Variants in ARG1 observed in about 807,000 individuals in gnomAD.
ARG1 encodes arginase 1.
A neutral mutation model predicts 33.0 loss-of-function variants in ARG1; 20 were observed. That is an observed-to-expected ratio of 0.61 (90% CI 0.43 to 0.88). The LOEUF (loss-of-function observed/expected upper bound fraction) is 0.88. Among genes scored for constraint, ARG1 ranks in the 40% least tolerant of loss-of-function variants. ARG1 has a pLI of 0.00. For missense variants in ARG1, 374 were observed against 384.7 expected, an observed-to-expected ratio of 0.97 and a Z score of 0.23; for synonymous variants, 146 against 140.6, an observed-to-expected ratio of 1.04 and a Z score of -0.27.
chr6:131,582,194 G>A (rs991926107), intron 4 of ARG1, among the ~76,000 whole-genome samples: 15 of 152,146 alleles, frequency 9.9e-5, no homozygotes, highest in African/African-American at 3.1e-4. Context: ...AAAACTAAAC[G>A]TCCTGGAGGA....
At chr6:131,577,094 TA>T (rs1418406528) in intron 2 of ARG1, among the ~76,000 whole-genome samples, 1 of 152,034 alleles carries the variant, frequency 6.6e-6, no homozygotes, top group Non-Finnish European at 1.5e-5. Flanking sequence ...ATTTGTGAAA[TA>T]AAATAAAATA....
In ARG1 at chr6:131,584,016, T is replaced by C; in HGVS notation, c.*108T>C. ...CTAAAGACTTGTTCTTTCAGAAAAA[T>C]GTTTTTCCAATTAGTATAAACTCTA... On this transcript the variant is annotated 3_prime_UTR_variant, in exon 8 of 8. Transcript: ENST00000368087. The C allele has an allele frequency of 7.6e-7, 1 of 1,317,808 alleles. No homozygotes were observed. The highest frequency in any genetic ancestry group is 2.5e-5 in the East Asian group (1 of 40,656). The allele number at this position is 1,317,808 out of a possible 1,614,324, so 81.6% of individuals were successfully genotyped here.
chr6:131,582,826 C>A, intron 5 of ARG1, 111 bp downstream of exon 5: 1 of 878,172 alleles, frequency 1.1e-6, no homozygotes, highest in African/African-American at 1.6e-5. Context: ...CACACACACA[C>A]ACACATGCCC....
At chr6:131,576,821 T>C in intron 2 of ARG1, 86 bp downstream of exon 2, 2 of 1,212,628 alleles carry the variant, frequency 1.6e-6, no homozygotes, top group East Asian at 2.4e-5. Context: ...GGAGTGTGTC[T>C]GGAATATTTA....
rs767964945 is a variant in ARG1 at position 131,573,257 on chromosome 6, A to G, written c.-26A>G. The G allele has an allele frequency of 5.0e-6, 8 of 1,613,834 alleles. No individual in the cohort carries two copies. In the African/African-American group the frequency reaches 1.1e-4, roughly 22 times the overall value. On this transcript the variant is annotated 5_prime_UTR_variant, in exon 1 of 8. Coordinates refer to ENST00000368087, the MANE Select transcript of ARG1 (RefSeq NM_000045.4). Reference sequence around the variant, plus strand: ...GAGGGTTGACTGACTGGAGAGCTCAAGTGCAGCAAAGAGAAGTGTCAGAGC... The same window carrying G: ...GAGGGTTGACTGACTGGAGAGCTCAGGTGCAGCAAAGAGAAGTGTCAGAGC...
intron 4 of ARG1, among the ~76,000 whole-genome samples, chr6:131,581,804 T>C (rs1447450727): frequency 6.6e-6 from 1 of 152,166 alleles, no homozygotes; most frequent in Non-Finnish European, 1.5e-5. Context: ...TCATAGAGGC[T>C]TTTCAAAAAA....
At chr6:131,582,813 A>C (rs1774002212) in intron 5 of ARG1, 98 bp downstream of exon 5, 1 of 987,390 alleles carries the variant, frequency 1.0e-6, no homozygotes. Context: ...TTAAACATCA[A>C]GACACACACA....
rs1226981694 is a variant in ARG1 at position 131,573,459 on chromosome 6, G to C, written c.57+120G>C. On this transcript the variant is annotated intron_variant, in intron 1 of 7. Transcript: ENST00000368087. Reference sequence around the variant, plus strand: ...TTCTGATACAATCTGGCCAGGAAATGCATATTTTAAAGTCCTCTCACCATT... The same window carrying C: ...TTCTGATACAATCTGGCCAGGAAATCCATATTTTAAAGTCCTCTCACCATT... The C allele has an allele frequency of 3.2e-6, 3 of 948,512 alleles. No homozygotes were observed. In the Admixed American group the frequency reaches 5.8e-5, roughly 18 times the overall value. The allele number at this position is 948,512 out of a possible 1,614,324, so 58.8% of individuals were successfully genotyped here.
intron 1 of ARG1, among the ~76,000 whole-genome samples, chr6:131,575,034 G>A (rs1179063279): frequency 2.6e-5 from 4 of 152,110 alleles, no homozygotes; most frequent in Non-Finnish European, 5.9e-5. Context: ...TTAGAAAGTC[G>A]GTGGAGCTGA....
chr6:131,573,367 C>T, intron 1 of ARG1, 28 bp downstream of exon 1: 1 of 1,612,150 alleles, frequency 6.2e-7, no homozygotes. Context: ...TCTTTGAATT[C>T]CTGGAATTTA....
At chr6:131,578,985 C>A in intron 2 of ARG1, 126 bp from the exon 3 acceptor site, 1 of 1,096,498 alleles carries the variant, frequency 9.1e-7, no homozygotes. Flanking sequence ...GATTTACAGA[C>A]CTTTCAGGTT....
At chr6:131,583,202 C>T (rs374962545) in intron 6 of ARG1, 38 bp downstream of exon 6, 121 of 1,596,422 alleles carry the variant, frequency 7.6e-5, no homozygotes, top group Non-Finnish European at 1.0e-4. Flanking sequence ...GTGTGTGCAA[C>T]AGAAAAGGTT....
intron 1 of ARG1, among the ~76,000 whole-genome samples, chr6:131,573,777 C>T: frequency 6.6e-6 from 1 of 152,062 alleles, no homozygotes; most frequent in South Asian, 2.1e-4. Flanking sequence ...TGGTGGTAAC[C>T]TTCAGGCTTC....
chr6:131,577,017 G>A (rs1438440244), intron 2 of ARG1, among the ~76,000 whole-genome samples: 1 of 152,052 alleles, frequency 6.6e-6, no homozygotes, highest in East Asian at 1.9e-4. Context: ...GATGGTAGGG[G>A]AGCCGGGGGA....
rs1280155991 is a variant in ARG1, at chr6:131,576,673, G to T, written c.68G>T (p.Gly23Val). 1 of 1,613,806 alleles carries T rather than the reference G, an allele frequency of 6.2e-7. No homozygotes were observed. Among genetic ancestry groups the T allele is most frequent in the African/African-American group, 1.3e-5 (1 of 74,902 alleles). The change falls in exon 2 of 8, where the codon GGG becomes GTG. Residue 23 changes from glycine (G) to valine (V), a missense_variant. By Grantham distance (109) the Gly-to-Val change is moderately radical (BLOSUM62 -3). Coordinates refer to ENST00000368087, the MANE Select transcript of ARG1 (RefSeq NM_000045.4). ...APFSKGQPRGGVEEGPTVLRK... is the reference protein window; with the variant it reads ...APFSKGQPRGVVEEGPTVLRK... The stretch of plus-strand genomic sequence containing the variant: ...TTTTTAATTGTTCAGCCACGAGGAG[G>T]GGTGGAAGAAGGCCCTACAGTATTG...
At position 131,583,405 on chromosome 6, in the gene ARG1, C is replaced by T. The variant is rs1774039822; in HGVS notation, c.716C>T (p.Ser239Phe). 3 of 1,614,062 alleles carry T rather than the reference C, an allele frequency of 1.9e-6. No individual in the cohort carries two copies. In the African/African-American group the frequency reaches 4.0e-5, roughly 22 times the overall value. The change falls in exon 7 of 8, where the codon TCT becomes TTT. Residue 239 changes from serine to phenylalanine, a missense_variant. Physicochemically the swap from Ser to Phe is radical, Grantham distance 155 (BLOSUM62 -2). Coordinates refer to ENST00000368087, the MANE Select transcript of ARG1 (RefSeq NM_000045.4). ...TTTGATGTTGACGGACTGGACCCAT[C>T]TTTCACACCAGCTACTGGCACACCA... is the stretch of plus-strand genomic sequence containing the variant. ...LSFDVDGLDP[S>F]FTPATGTPVV... is the part of the protein sequence containing the mutation.
Position 131,583,544 on chromosome 6 carries a change from T to C in ARG1, c.802+53T>C, listed in dbSNP as rs1205125521. ...AGCAAGTGTACACTTGACTAATATA[T>C]ATTTATACCTCCTTGACCTGAAACC... On this transcript the variant is annotated intron_variant, in intron 7 of 7. Transcript: ENST00000368087. 14 of 1,534,800 alleles carry C rather than the reference T, an allele frequency of 9.1e-6. No individual in the cohort carries two copies. In the Admixed American group the frequency reaches 2.4e-4, roughly 26 times the overall value.
At chr6:131,582,946 T>G (rs1360599567) in intron 5 of ARG1, 114 bp from the exon 6 acceptor site, 2 of 848,884 alleles carry the variant, frequency 2.4e-6, no homozygotes, top group African/African-American at 3.5e-5. Flanking sequence ...TTGAGTTAGG[T>G]TCATAGAACC....
Position 131,576,692 on chromosome 6 carries a change from A to G in ARG1, c.87A>G (p.Thr29=), listed in dbSNP as rs1373647667. ...GAGGAGGGGTGGAAGAAGGCCCTACAGTATTGAGAAAGGCTGGTCTGCTTG... is the reference window on the plus strand; with the variant it reads ...GAGGAGGGGTGGAAGAAGGCCCTACGGTATTGAGAAAGGCTGGTCTGCTTG... ...QPRGGVEEGP[T]VLRKAGLLEK... is the part of the protein sequence containing the mutation. Residue 29 remains threonine, a synonymous_variant, in exon 2 of 8, where the codon ACA becomes ACG. Coordinates refer to ENST00000368087, the MANE Select transcript of ARG1 (RefSeq NM_000045.4). 1.2e-6 allele frequency: 2 copies of G among 1,614,144 alleles called. No homozygotes were observed. Among genetic ancestry groups the G allele is most frequent in the Non-Finnish European group, 8.5e-7 (1 of 1,179,982 alleles).
Sources: gnomAD v4.1 joint callset for allele counts (sites outside exome capture counted in the v4.1 genomes callset) on GRCh38, gnomAD v4.1.1 for gene constraint, MANE v1.5 for transcripts, NCBI Gene and HGNC (gene_info 2026-07-23, HGNC 2026-07-21) for gene names.